The following FUBP1 variants were observed in gnomAD, a reference collection of about 807,000 sequenced individuals.
The protein encoded by FUBP1 is far upstream element binding protein 1.
Under a neutral mutation model 94.9 loss-of-function variants are expected in FUBP1, and 16 were observed. That is an observed-to-expected ratio of 0.17 (90% CI 0.11 to 0.26). The LOEUF (loss-of-function observed/expected upper bound fraction) is 0.26. Ranked by LOEUF, FUBP1 falls within the 10% of genes least tolerant of loss-of-function variation. The pLI, the probability that FUBP1 is intolerant of heterozygous loss-of-function variation, is 1.00. For synonymous variants in FUBP1, 279 were observed against 254.9 expected, an observed-to-expected ratio of 1.09 and a Z score of -0.90; for missense variants, 583 against 808.6, an observed-to-expected ratio of 0.72 and a Z score of 3.38.
chr1:77,968,143 C>T (rs541076391), intron 3 of FUBP1, 22 bp downstream of exon 3: 1 of 1,440,080 alleles, frequency 6.9e-7, no homozygotes, highest in Non-Finnish European at 9.4e-7. Flanking sequence ...AGCTTTTGAC[C>T]CAGTTTAAAA....
At chr1:77,977,900 G>C (rs1305940102) in intron 1 of FUBP1, among the ~76,000 whole-genome samples, 2 of 152,048 alleles carry the variant, frequency 1.3e-5, no homozygotes, top group Non-Finnish European at 2.9e-5. Flanking sequence ...CAACTGTCCC[G>C]GTAAAAAGTT....
At chr1:77,960,732 A>G (rs1447180640) in intron 14 of FUBP1, 12 of 415,102 alleles carry the variant, frequency 2.9e-5, no homozygotes, top group Non-Finnish European at 5.1e-5. Flanking sequence ...ATTAAATTAA[A>G]TTTAAATTAG....
rs587778374 is a variant in FUBP1, at chr1:77,964,111, C to T, written c.992G>A (p.Arg331Gln). ...AATAATTTCTGCAGCATGTTGACAT[C>T]GGTCTGGAGGTCCTGTTATTTGTGC... ...RIAQITGPPD[R>Q]CQHAAEIITD... is the part of the protein sequence containing the mutation. Residue 331 changes from arginine to glutamine, a missense_variant, in exon 12 of 20, where the codon CGA becomes CAA. By Grantham distance (43) the Arg-to-Gln change is conservative. Transcript: ENST00000370768. 9.3e-6 allele frequency: 15 copies of T among 1,607,888 alleles called. No individual in the cohort carries two copies. Among genetic ancestry groups the T allele is most frequent in the African/African-American group, 6.7e-5 (5 of 74,800 alleles).
At chr1:77,955,875 A>G (rs909160567) in intron 17 of FUBP1, among the ~76,000 whole-genome samples, 29 of 152,280 alleles carry the variant, frequency 1.9e-4, no homozygotes, top group East Asian at 1.9e-4. Context: ...ACTAAAAGGA[A>G]TAAGAGCTCC....
chr1:77,960,111 C>T, intron 16 of FUBP1, 73 bp downstream of exon 16: 4 of 1,078,676 alleles, frequency 3.7e-6, no homozygotes, highest in Non-Finnish European at 5.6e-6. Flanking sequence ...GTAGAATCAA[C>T]ACTAGAAAAT....
At chr1:77,949,744 A>G (rs1653003960) in intron 18 of FUBP1, among the ~76,000 whole-genome samples, 1 of 152,234 alleles carries the variant, frequency 6.6e-6, no homozygotes, top group Non-Finnish European at 1.5e-5. Flanking sequence ...CCAGAATTAC[A>G]AAAAGAACAT....
At position 77,946,331 on chromosome 1, in the gene FUBP1, T is replaced by G. The variant is rs1652158895; in HGVS notation, c.*2435A>C. Among the ~76,000 whole-genome samples, 2 of 149,644 alleles carry G rather than the reference T, an allele frequency of 1.3e-5. No homozygotes were observed. Among genetic ancestry groups the G allele is most frequent in the African/African-American group, 4.9e-5 (2 of 40,808 alleles). On this transcript the variant is annotated 3_prime_UTR_variant, in exon 20 of 20. Coordinates refer to ENST00000370768, the MANE Select transcript of FUBP1 (RefSeq NM_003902.5). ...TCTTAATAAAAAAAAAAAAGTAAAA[T>G]AAAAAACATTACCCAGAAATGTAAA...
intron 13 of FUBP1, 121 bp downstream of exon 13, chr1:77,963,453 G>A (rs529863076): frequency 5.3e-6 from 3 of 565,610 alleles, no homozygotes; most frequent in Non-Finnish European, 9.5e-6. Flanking sequence ...ATTAACATAA[G>A]AATTCTTTTC....
chr1:77,963,122 T>A (rs1235014051), intron 13 of FUBP1, among the ~76,000 whole-genome samples, 192 bp from the exon 14 acceptor site: 1 of 152,214 alleles, frequency 6.6e-6, no homozygotes, highest in African/African-American at 2.4e-5. Context: ...ATTTCATGCT[T>A]CTCTTAAAAT....
chr1:77,964,047 A>G lies in FUBP1; in HGVS notation c.1041+15T>C. On this transcript the variant is annotated intron_variant, in intron 12 of 19. Coordinates refer to ENST00000370768, the MANE Select transcript of FUBP1 (RefSeq NM_003902.5). ...CATAAAAACAAAAAATGAAAATGTT[A>G]ACTTTCTATCAAACCTGAACACTTC... is the stretch of plus-strand genomic sequence containing the variant. 1 of 1,426,578 alleles carries G rather than the reference A, an allele frequency of 7.0e-7. No individual in the cohort carries two copies. The allele number at this position is 1,426,578 out of a possible 1,614,324, so 88.4% of individuals were successfully genotyped here.
In FUBP1 at chr1:77,947,609, T is replaced by G. The variant is rs934960419; in HGVS notation, c.*1157A>C. 1 of 1,080,572 alleles carries G rather than the reference T, an allele frequency of 9.3e-7. No homozygotes were observed. The highest frequency in any genetic ancestry group is 1.6e-5 in the African/African-American group (1 of 63,586). The allele number at this position is 1,080,572 out of a possible 1,614,324, so 66.9% of individuals were successfully genotyped here. ...TTGCATGTAGTCTAATATATTAATA[T>G]GCAAAGAGCCAACAAATATGCAAAG... On this transcript the variant is annotated 3_prime_UTR_variant, in exon 20 of 20. Coordinates refer to ENST00000370768, the MANE Select transcript of FUBP1 (RefSeq NM_003902.5).
chr1:77,947,993 T>C lies in FUBP1; in HGVS notation c.*773A>G. On this transcript the variant is annotated 3_prime_UTR_variant, in exon 20 of 20. Transcript: ENST00000370768. ...TCACTATCTGAAAACTGTTTAAAAT[T>C]AGTTATGCCGAAACAGTCTTGGAAA... 9.7e-7 allele frequency: 1 copy of C among 1,029,122 alleles called. No individual in the cohort carries two copies. The allele number at this position is 1,029,122 out of a possible 1,614,324, so 63.7% of individuals were successfully genotyped here. A position where few individuals can be genotyped will look rare whatever the true frequency, so the allele number is the denominator to read the frequency against.
At chr1:77,965,253 A>G in intron 7 of FUBP1, 22 bp from the exon 8 acceptor site, 1 of 1,554,882 alleles carries the variant, frequency 6.4e-7, no homozygotes, top group Non-Finnish European at 8.8e-7. Flanking sequence ...TTAATATTTA[A>G]ATAGTAAGCT....
rs559798447 is a variant in FUBP1 at position 77,978,954 on chromosome 1, G to A, written c.51C>T (p.Gly17=). 74 of 1,609,850 alleles carry A rather than the reference G, an allele frequency of 4.6e-5. 1 individual carries two copies. The Middle Eastern group carries it at 1.3e-3, about 29-fold the overall frequency. Residue 17 remains glycine, a synonymous_variant, in exon 1 of 20, where the codon GGC becomes GGT. Transcript: ENST00000370768. ...CTCCACCACCACCGCCGCCACCACC[G>A]CCACCAGCTGAGCCAGAAGAGGGGG... ...VPPPSSGSAG[G]GGGGGGGGGV...
At chr1:77,956,534 A>G in intron 17 of FUBP1, 38 bp downstream of exon 17, 1 of 1,527,338 alleles carries the variant, frequency 6.5e-7, no homozygotes, top group Non-Finnish European at 9.0e-7. Flanking sequence ...TTCCAAGCAC[A>G]ACTTTTGGCT....
chr1:77,960,073 A>G (rs1655173786), intron 16 of FUBP1, 111 bp downstream of exon 16: 1 of 756,102 alleles, frequency 1.3e-6, no homozygotes, highest in African/African-American at 1.7e-5. Context: ...TTGAAAGAGT[A>G]AAGTGAGTGA....
chr1:77,964,291 T>G lies in FUBP1; in HGVS notation c.903A>C (p.Ile301=). ...GAATGCGAACACCAGCATCATTTTG[T>G]ATTTTTTTGATCATCTCTCCATTTC... ...IGRNGEMIKK[I]QNDAGVRIQF... Residue 301 remains isoleucine, a synonymous_variant, in exon 11 of 20, where the codon ATA becomes ATC. Transcript: ENST00000370768. 1 of 1,609,894 alleles carries G rather than the reference T, an allele frequency of 6.2e-7. No individual in the cohort carries two copies. The highest frequency in any genetic ancestry group is 1.1e-5 in the South Asian group (1 of 91,038).
At chr1:77,971,623 CAT>C (rs1463344394) in intron 1 of FUBP1, among the ~76,000 whole-genome samples, 1 of 151,944 alleles carries the variant, frequency 6.6e-6, no homozygotes, top group African/African-American at 2.4e-5. Context: ...TCCTAGGACT[CAT>C]AGATTTCCCT....
At chr1:77,959,584 T>C (rs989331870) in intron 16 of FUBP1, among the ~76,000 whole-genome samples, 5 of 152,196 alleles carry the variant, frequency 3.3e-5, no homozygotes, top group African/African-American at 1.2e-4. Context: ...CCCATTCTGT[T>C]GCCCAGGGGA....
Sources: gnomAD v4.1 joint callset for allele counts (sites outside exome capture counted in the v4.1 genomes callset) on GRCh38, gnomAD v4.1.1 for gene constraint, MANE v1.5 for transcripts, NCBI Gene and HGNC (gene_info 2026-07-23, HGNC 2026-07-21) for gene names.